EXOC6B: variants seen among roughly 807,000 people sequenced by gnomAD.
The protein encoded by EXOC6B is SEC15 homolog B.
Under a neutral mutation model 113.5 loss-of-function variants are expected in EXOC6B, and 54 were observed. That is an observed-to-expected ratio of 0.48 (90% confidence interval 0.38 to 0.60). The LOEUF (loss-of-function observed/expected upper bound fraction) is 0.60. Among genes scored for constraint, EXOC6B ranks in the 20% least tolerant of loss-of-function variants. The pLI is 0.00. For missense variants in EXOC6B, 797 were observed against 977.5 expected, an observed-to-expected ratio of 0.82 and a Z score of 2.46; for synonymous variants, 357 against 339.0, an observed-to-expected ratio of 1.05 and a Z score of -0.58.
intron 19 of EXOC6B, among the ~76,000 whole-genome samples, chr2:72,378,859 T>C (rs1691510623): frequency 6.6e-6 from 1 of 152,198 alleles, no homozygotes; most frequent in East Asian, 1.9e-4. Context: ...CAAAGCCTAA[T>C]TTTGCATTCA....
chr2:72,606,631 C>A (rs1383851681), intron 6 of EXOC6B, among the ~76,000 whole-genome samples: 1 of 144,724 alleles, frequency 6.9e-6, no homozygotes. Context: ...CACTTTCTTT[C>A]TTTCTTTTTT....
intron 18 of EXOC6B, among the ~76,000 whole-genome samples, chr2:72,420,112 A>G (rs759799757): frequency 3.1e-4 from 47 of 152,072 alleles, no homozygotes; most frequent in Admixed American, 1.6e-3. Flanking sequence ...CACTTTATGT[A>G]TTATACTTTT....
intron 6 of EXOC6B, among the ~76,000 whole-genome samples, chr2:72,647,094 A>G (rs945083015): frequency 4.1e-4 from 63 of 152,242 alleles, no homozygotes; most frequent in Non-Finnish European, 6.0e-4. Context: ...AAGTCTCAGG[A>G]TACAAAATCA....
intron 20 of EXOC6B, among the ~76,000 whole-genome samples, chr2:72,318,718 T>C (rs1214893921): frequency 6.6e-6 from 1 of 152,146 alleles, no homozygotes; most frequent in Non-Finnish European, 1.5e-5. Flanking sequence ...AAATTAGATA[T>C]GCATCAAATC....
chr2:72,414,888 T>C (rs1348325359), intron 18 of EXOC6B, among the ~76,000 whole-genome samples: 3 of 146,976 alleles, frequency 2.0e-5, no homozygotes, highest in African/African-American at 5.5e-5. Flanking sequence ...ACATTTCTTT[T>C]ATTATTAGTT....
chr2:72,336,501 TAATTA>T (rs1688695867), intron 19 of EXOC6B, among the ~76,000 whole-genome samples: 1 of 121,140 alleles, frequency 8.3e-6, no homozygotes, highest in South Asian at 3.2e-4. Flanking sequence ...TTTATTAAAC[TAATTA>T]AAATATAGCA....
intron 6 of EXOC6B, among the ~76,000 whole-genome samples, chr2:72,632,236 A>C (rs1315125748): frequency 6.6e-6 from 1 of 152,190 alleles, no homozygotes; most frequent in Non-Finnish European, 1.5e-5. Flanking sequence ...CTTACTAATG[A>C]TTAGAAATGC....
chr2:72,560,854 A>T (rs180911942), intron 7 of EXOC6B, among the ~76,000 whole-genome samples: 1 of 152,032 alleles, frequency 6.6e-6, no homozygotes, highest in Non-Finnish European at 1.5e-5. Flanking sequence ...AAAAAAAAAA[A>T]AAGTTTAAGA....
intron 1 of EXOC6B, among the ~76,000 whole-genome samples, chr2:72,754,990 T>C (rs1418896269): frequency 4.6e-5 from 7 of 152,108 alleles, no homozygotes; most frequent in African/African-American, 1.7e-4. Context: ...TTGAAGCACC[T>C]AGCCCTATCC....
intron 6 of EXOC6B, among the ~76,000 whole-genome samples, chr2:72,632,164 G>T (rs1012437109): frequency 6.6e-6 from 1 of 152,102 alleles, no homozygotes; most frequent in African/African-American, 2.4e-5. Context: ...CATGGGAAAT[G>T]AATACACAAT....
intron 18 of EXOC6B, among the ~76,000 whole-genome samples, chr2:72,401,682 T>A (rs1209956681): frequency 9.2e-6 from 1 of 109,010 alleles, no homozygotes; most frequent in African/African-American, 3.6e-5. Flanking sequence ...TATATATATA[T>A]ATATGAAAAA....
intron 7 of EXOC6B, among the ~76,000 whole-genome samples, chr2:72,570,070 C>T (rs576537411): frequency 2.6e-5 from 4 of 152,170 alleles, no homozygotes; most frequent in South Asian, 2.1e-4. Context: ...TATTTGGAGA[C>T]TGGGCCTTTA....
chr2:72,209,131 G>A (rs1680006410), intron 20 of EXOC6B, among the ~76,000 whole-genome samples: 2 of 148,496 alleles, frequency 1.3e-5, no homozygotes, highest in Non-Finnish European at 3.0e-5. Context: ...GCTGAGACAG[G>A]AGAATCGCTT....
At chr2:72,183,088 A>G (rs766208316) in intron 21 of EXOC6B, among the ~76,000 whole-genome samples, 6 of 151,958 alleles carry the variant, frequency 3.9e-5, no homozygotes, top group Non-Finnish European at 7.4e-5. Flanking sequence ...CCCCTTTCAT[A>G]TTACATAGTA....
intron 20 of EXOC6B, among the ~76,000 whole-genome samples, chr2:72,316,745 G>A (rs1346146587): frequency 1.3e-5 from 2 of 152,190 alleles, no homozygotes; most frequent in Non-Finnish European, 2.9e-5. Context: ...GAAGCTAATG[G>A]TGAAAGCAGA....
chr2:72,405,077 C>T lies in EXOC6B; in HGVS notation c.1981-25207G>A, dbSNP rs200847235. ...TGACAAATGCACAAGCCTCAGTAGCCGATTCAATCAACTGGAAGAAAGGGT... is the reference window on the plus strand; with the variant it reads ...TGACAAATGCACAAGCCTCAGTAGCTGATTCAATCAACTGGAAGAAAGGGT... On this transcript the variant is annotated intron_variant, in intron 18 of 21. Transcript: ENST00000272427. 9.9e-5 allele frequency among the ~76,000 whole-genome samples: 15 copies of T among 152,022 alleles called. No homozygotes were observed. The East Asian group carries it at 2.9e-3, about 29-fold the overall frequency.
chr2:72,217,704 T>C (rs1680625641), intron 20 of EXOC6B, among the ~76,000 whole-genome samples: 1 of 152,186 alleles, frequency 6.6e-6, no homozygotes, highest in Non-Finnish European at 1.5e-5. Flanking sequence ...AGCATGAATA[T>C]GGATGACTGA....
At chr2:72,350,264 T>C (rs1190539552) in intron 19 of EXOC6B, among the ~76,000 whole-genome samples, 1 of 152,222 alleles carries the variant, frequency 6.6e-6, no homozygotes, top group Admixed American at 6.5e-5. Flanking sequence ...ATATCTTTCC[T>C]AGAAGAAGTT....
chr2:72,638,914 C>T (rs1673036507), intron 6 of EXOC6B, among the ~76,000 whole-genome samples: 1 of 152,180 alleles, frequency 6.6e-6, no homozygotes, highest in Non-Finnish European at 1.5e-5. Flanking sequence ...ACCCCTTGGT[C>T]AGCTGCCCTC....
Sources: gnomAD v4.1 joint callset for allele counts (sites outside exome capture counted in the v4.1 genomes callset) on GRCh38, gnomAD v4.1.1 for gene constraint, MANE v1.5 for transcripts, NCBI Gene and HGNC (gene_info 2026-07-23, HGNC 2026-07-21) for gene names.